Variants in SPTBN4 observed in about 807,000 individuals in gnomAD.
SPTBN4 encodes the protein spectrin beta, non-erythrocytic 4, also known as spectrin beta chain, non-erythrocytic 4.
In SPTBN4, 96 loss-of-function variants were observed where a neutral mutation model predicts 277.8. That is an observed-to-expected ratio of 0.35 (90% CI 0.29 to 0.41). The LOEUF is 0.41. SPTBN4 is among the 10% of genes least tolerant of loss of function. The pLI, the probability that SPTBN4 is intolerant of heterozygous loss-of-function variation, is 1.00. For synonymous variants in SPTBN4, 1,481 were observed against 1,580.3 expected, an observed-to-expected ratio of 0.94 and a Z score of 1.49; for missense variants, 3,006 against 3,595.7, an observed-to-expected ratio of 0.84 and a Z score of 4.19.
rs143836762 is a variant in SPTBN4 at position 40,532,769 on chromosome 19, C to G, written c.4093C>G (p.Arg1365Gly). ...TAAGGAGTGGCTGGAGAAGATCGAG[C>G]GGGTGAGGAAGCTGATGGCCCCTCT... is the stretch of plus-strand genomic sequence containing the variant. ...QNKEWLEKIE[R>G]EGQQLMQEKP... The change falls in exon 19 of 36, where the codon CGG becomes GGG. Residue 1365 changes from arginine (R) to glycine (G), a missense_variant and splice_region_variant. By Grantham distance (125) the Arg-to-Gly change is moderately radical. Around this residue, in one of 5 missense-constraint regions of SPTBN4, gnomAD observed 1,759 missense variants for 2,061.5 expected, o/e 0.85. Transcript: ENST00000598249. 1 of 1,608,884 alleles carries G rather than the reference C, an allele frequency of 6.2e-7. No individual in the cohort carries two copies. Among genetic ancestry groups the G allele is most frequent in the South Asian group, 1.1e-5 (1 of 90,346 alleles).
intron 16 of SPTBN4, among the ~76,000 whole-genome samples, chr19:40,522,977 C>CA (rs890107333): frequency 2.0e-4 from 30 of 151,960 alleles, no homozygotes; most frequent in African/African-American, 6.8e-4. Flanking sequence ...ACCAAAAATA[C>CA]AAAAAAATTA....
Position 40,570,579 on chromosome 19 carries a change from T to C in SPTBN4, c.7170T>C (p.Gly2390=), listed in dbSNP as rs1599825571. Residue 2390 remains glycine (G), a synonymous_variant, in exon 33 of 36, where the codon GGT becomes GGC. Coordinates refer to ENST00000598249, the MANE Select transcript of SPTBN4 (RefSeq NM_020971.3). The part of the protein sequence containing the change: ...PRRRPRPREG[G]EGGGSRRSRS... The stretch of plus-strand genomic sequence containing the variant: ...GGCGGCCGCGGCCCAGAGAGGGTGG[T>C]GAGGGCGGGGGAAGCCGGCGCTCGC... 7.3e-7 allele frequency: 1 copy of C among 1,374,772 alleles called. No homozygotes were observed. Among genetic ancestry groups the C allele is most frequent in the Non-Finnish European group, 9.4e-7 (1 of 1,066,262 alleles). 85.2% of individuals were successfully genotyped at this position (1,374,772 alleles called of 1,614,324 possible).
rs80354482 is a variant in SPTBN4, at chr19:40,490,572, A to G, written c.495+324A>G. ...CCAGATAGGTGGTGTCATCTGCCCA[A>G]GATCACATATACCTGGGTGTTGGAG... On this transcript the variant is annotated intron_variant, in intron 4 of 35. Coordinates refer to ENST00000598249, the MANE Select transcript of SPTBN4 (RefSeq NM_020971.3). The surrounding 1 kb of genome is among the most constrained non-coding windows in gnomAD (Gnocchi z 4.3). Among the ~76,000 whole-genome samples the G allele has an allele frequency of 0.016, 2,469 of 152,282 alleles. 73 individuals are homozygous for G. The highest frequency in any genetic ancestry group is 0.057 in the African/African-American group (2,384 of 41,566).
intron 18 of SPTBN4, among the ~76,000 whole-genome samples, chr19:40,530,051 G>A (rs994791676): frequency 5.3e-5 from 8 of 152,076 alleles, no homozygotes; most frequent in Non-Finnish European, 1.2e-4. Context: ...TTGAGCCACT[G>A]GAGGAACCCC....
Position 40,502,248 on chromosome 19 carries a change from T to C in SPTBN4, c.1018T>C (p.Ser340Pro). ...CATCAGCAATCAGAAATTTGCCAAC[T>C]CCTTAAGTGGGGTGCAGCAGCAACT... ...GLISNQKFAN[S>P]LSGVQQQLQA... is the part of the protein sequence containing the mutation. Residue 340 changes from serine to proline, a missense_variant, in exon 9 of 36, where the codon TCC becomes CCC. Transcript: ENST00000598249. This position sits in a 1 kb window ranked among gnomAD's most constrained non-coding sequence, Gnocchi z 4.9. 1 of 1,613,818 alleles carries C rather than the reference T, an allele frequency of 6.2e-7. No individual in the cohort carries two copies.
Position 40,554,173 on chromosome 19 carries a change from T to G in SPTBN4, c.4701T>G (p.His1567Gln). Residue 1567 changes from histidine to glutamine, a missense_variant, in exon 23 of 36, where the codon CAT becomes CAG. By Grantham distance (24) the His-to-Gln change is conservative (BLOSUM62 0). This residue lies in a region of SPTBN4 where 1,759 missense variants were observed against 2,061.5 expected (regional missense o/e 0.85). Coordinates refer to ENST00000598249, the MANE Select transcript of SPTBN4 (RefSeq NM_020971.3). The surrounding 1 kb of genome is among the most constrained non-coding windows in gnomAD (Gnocchi z 5.7). ...GCCTGCGGCGGGAGATCCAGGCGCA[T>G]GGGCCGCGCCTGGAGGAGGTGCTGG... Reference protein sequence around the residue: ...NQGLRREIQAHGPRLEEVLER... With the variant: ...NQGLRREIQAQGPRLEEVLER... 6 of 1,447,978 alleles carry G rather than the reference T, an allele frequency of 4.1e-6. No individual in the cohort carries two copies. Among genetic ancestry groups the G allele is most frequent in the Non-Finnish European group, 4.5e-6 (5 of 1,115,658 alleles). 89.7% of individuals were successfully genotyped at this position (1,447,978 alleles called of 1,614,324 possible).
rs201768230 is a variant in SPTBN4 at position 40,565,605 on chromosome 19, T to G, written c.6054+44T>G. On this transcript the variant is annotated intron_variant, in intron 28 of 35. Coordinates refer to ENST00000598249, the MANE Select transcript of SPTBN4 (RefSeq NM_020971.3). ...GTCCCCCTCTGCCACCCGGGCACATTGGGGTGGAAGCCATTCCACACCCTG... is the reference window on the plus strand; with the variant it reads ...GTCCCCCTCTGCCACCCGGGCACATGGGGGTGGAAGCCATTCCACACCCTG... 6.2e-5 allele frequency: 99 copies of G among 1,588,508 alleles called. No homozygotes were observed. The East Asian group carries it at 2.1e-3, about 34-fold the overall frequency.
chr19:40,538,390 CAAA>C (rs1233852253), intron 20 of SPTBN4, among the ~76,000 whole-genome samples: 10 of 105,126 alleles, frequency 9.5e-5, no homozygotes, highest in Admixed American at 3.9e-4. Flanking sequence ...GACTCTGTCT[CAAA>C]AAAAAAAAAA....
At position 40,490,115 on chromosome 19, in the gene SPTBN4, A is replaced by G; in HGVS notation, c.362A>G (p.Glu121Gly). The G allele has an allele frequency of 6.2e-7, 1 of 1,613,910 alleles. No individual in the cohort carries two copies. The highest frequency in any genetic ancestry group is 8.5e-7 in the Non-Finnish European group (1 of 1,179,904). Residue 121 changes from glutamate to glycine, a missense_variant, in exon 4 of 36, where the codon GAG (glutamate) becomes GGG (glycine). Coordinates refer to ENST00000598249, the MANE Select transcript of SPTBN4 (RefSeq NM_020971.3). This position sits in a 1 kb window ranked among gnomAD's most constrained non-coding sequence, Gnocchi z 4.3. ...TRGRMRIHSL[E>G]NVDKALQFLK... Reference sequence around the variant, plus strand: ...GGCCGCATGCGGATCCACTCACTGGAGAACGTGGACAAGGCGCTGCAGTTT... The same window carrying G: ...GGCCGCATGCGGATCCACTCACTGGGGAACGTGGACAAGGCGCTGCAGTTT...
intron 30 of SPTBN4, 69 bp from the exon 31 acceptor site, chr19:40,567,594 C>T (rs1452879638): frequency 5.1e-6 from 7 of 1,368,970 alleles, no homozygotes; most frequent in Non-Finnish European, 9.6e-7. Context: ...CAGGCCGCCT[C>T]CCCGGACCTC....
intron 3 of SPTBN4, among the ~76,000 whole-genome samples, chr19:40,489,216 CAAAA>C (rs541919529): frequency 1.8e-5 from 1 of 54,794 alleles, no homozygotes; most frequent in Non-Finnish European, 3.6e-5. Flanking sequence ...CAACAAAAGC[CAAAA>C]AAAAAAAAAA....
intron 17 of SPTBN4, among the ~76,000 whole-genome samples, chr19:40,526,628 A>G (rs1481706818): frequency 6.6e-6 from 1 of 152,104 alleles, no homozygotes; most frequent in Admixed American, 6.5e-5. Context: ...TTTGTTGCCC[A>G]GGCTGGAGTG....
intron 17 of SPTBN4, among the ~76,000 whole-genome samples, chr19:40,528,556 C>T (rs943524274): frequency 9.9e-5 from 15 of 151,954 alleles, no homozygotes; most frequent in Admixed American, 5.9e-4. Flanking sequence ...TGACCGGACT[C>T]CTCCTGTCAC....
At chr19:40,478,333 A>G (rs75251544) in intron 2 of SPTBN4, among the ~76,000 whole-genome samples, 1 of 152,052 alleles carries the variant, frequency 6.6e-6, no homozygotes, top group South Asian at 2.1e-4. Flanking sequence ...AAAAAAAAAA[A>G]TCCTCTCCAG....
chr19:40,573,803 C>T (rs2081176136), intron 35 of SPTBN4, among the ~76,000 whole-genome samples: 1 of 144,768 alleles, frequency 6.9e-6, no homozygotes, highest in East Asian at 2.1e-4. Flanking sequence ...AACTCCATCT[C>T]AAAAACAAAA....
intron 12 of SPTBN4, 129 bp downstream of exon 12, chr19:40,504,261 C>G (rs2080298738): frequency 2.1e-6 from 2 of 962,998 alleles, no homozygotes. Flanking sequence ...AGAGAGAAAG[C>G]CAGGGAGACA....
chr19:40,497,791 C>T (rs576969126), intron 7 of SPTBN4, among the ~76,000 whole-genome samples, 187 bp downstream of exon 7: 27 of 151,950 alleles, frequency 1.8e-4, no homozygotes, highest in African/African-American at 6.0e-4. Flanking sequence ...TCCTCATGTG[C>T]GATCCCTCCC....
chr19:40,477,823 G>A (rs190326380), intron 2 of SPTBN4, among the ~76,000 whole-genome samples: 1 of 152,202 alleles, frequency 6.6e-6, no homozygotes, highest in Admixed American at 6.6e-5. Context: ...GATGATGGGA[G>A]AGGAGCCAGT....
rs539164450 is a variant in SPTBN4, at chr19:40,565,362, T to G, written c.5916-61T>G. ...GGATTTGGGGTCACCAGGAGCCACATGTATGGGGCAGGCTGAGGAGGCTCC... is the reference window on the plus strand; with the variant it reads ...GGATTTGGGGTCACCAGGAGCCACAGGTATGGGGCAGGCTGAGGAGGCTCC... On this transcript the variant is annotated intron_variant, in intron 27 of 35. Coordinates refer to ENST00000598249, the MANE Select transcript of SPTBN4 (RefSeq NM_020971.3). 1.9e-6 allele frequency: 3 copies of G among 1,557,908 alleles called. No homozygotes were observed. In the African/African-American group the frequency reaches 4.1e-5, roughly 21 times the overall value.
Sources: gnomAD v4.1 joint callset for allele counts (sites outside exome capture counted in the v4.1 genomes callset) on GRCh38, gnomAD v4.1.1 for gene constraint, gnomAD v4.1.1 regional missense constraint, Gnocchi (gnomAD v3.1) non-coding constraint, MANE v1.5 for transcripts, NCBI Gene and HGNC (gene_info 2026-07-23, HGNC 2026-07-21) for gene names.